The following ZNF385D variants were observed in gnomAD, a reference collection of about 807,000 sequenced individuals.
ZNF385D encodes zinc finger protein 385D.
ZNF385D carries 15 observed loss-of-function variants against 35.8 expected under a neutral mutation model. That is an observed-to-expected ratio of 0.42 (90% CI 0.28 to 0.64). ZNF385D has a LOEUF of 0.64. Among genes scored for constraint, ZNF385D ranks in the 30% least tolerant of loss-of-function variants. The pLI, the probability that ZNF385D is intolerant of heterozygous loss-of-function variation, is 0.23. For synonymous variants in ZNF385D, 212 were observed against 186.8 expected, an observed-to-expected ratio of 1.13 and a Z score of -1.10; for missense variants, 474 against 494.6, an observed-to-expected ratio of 0.96 and a Z score of 0.39.
chr3:21,819,557 A>C (rs2073300939), intron 3 of ZNF385D, among the ~76,000 whole-genome samples: 1 of 149,788 alleles, frequency 6.7e-6, no homozygotes, highest in African/African-American at 2.4e-5. Flanking sequence ...TTTGCTAGGA[A>C]AATACAAATT....
intron 2 of ZNF385D, among the ~76,000 whole-genome samples, chr3:22,239,225 T>G: frequency 6.6e-6 from 1 of 151,174 alleles, no homozygotes; most frequent in African/African-American, 2.4e-5. Flanking sequence ...GCTACCAGTA[T>G]CTTTAAGTAA....
intron 3 of ZNF385D, among the ~76,000 whole-genome samples, chr3:21,544,900 A>T (rs907136188): frequency 6.6e-6 from 1 of 152,210 alleles, no homozygotes; most frequent in South Asian, 2.1e-4. Context: ...AATACTTCAG[A>T]GGGCCCCTGA....
intron 3 of ZNF385D, among the ~76,000 whole-genome samples, chr3:21,978,692 T>C (rs570356260): frequency 1.3e-5 from 2 of 152,344 alleles, no homozygotes; most frequent in African/African-American, 4.8e-5. Flanking sequence ...TGTCTCTAGA[T>C]AGCTCATTGT....
At chr3:21,626,240 A>G (rs1445820926) in intron 2 of ZNF385D, among the ~76,000 whole-genome samples, 1 of 152,100 alleles carries the variant, frequency 6.6e-6, no homozygotes, top group Non-Finnish European at 1.5e-5. Context: ...GAAGCCCCTC[A>G]TATGTGTCCT....
At chr3:21,820,675 A>G (rs1462289174) in intron 3 of ZNF385D, among the ~76,000 whole-genome samples, 3 of 151,768 alleles carry the variant, frequency 2.0e-5, no homozygotes, top group Non-Finnish European at 4.4e-5. Context: ...AATTTTAAAA[A>G]TTTCTCGAAA....
At chr3:21,778,835 G>A (rs565222104) in intron 3 of ZNF385D, among the ~76,000 whole-genome samples, 1 of 151,992 alleles carries the variant, frequency 6.6e-6, no homozygotes, top group South Asian at 2.1e-4. Context: ...AAAATATTGT[G>A]ATGAAAAGAC....
intron 2 of ZNF385D, among the ~76,000 whole-genome samples, chr3:22,201,113 A>G (rs554313171): frequency 1.3e-5 from 2 of 152,282 alleles, no homozygotes; most frequent in African/African-American, 4.8e-5. Flanking sequence ...TGGGGAAGTG[A>G]TAAGTGTCCA....
chr3:22,175,913 A>G (rs1453489572), intron 2 of ZNF385D, among the ~76,000 whole-genome samples: 2 of 148,654 alleles, frequency 1.3e-5, no homozygotes, highest in Non-Finnish European at 3.0e-5. Context: ...TTAAATATAT[A>G]TTATATATAA....
chr3:22,310,215 T>C (rs115506219), intron 2 of ZNF385D, among the ~76,000 whole-genome samples: 2,821 of 152,160 alleles, frequency 0.019, 84 homozygotes, highest in African/African-American at 0.062. Flanking sequence ...TCAGGCGTCA[T>C]GATTACTATT....
chr3:21,963,023 C>G (rs146103296), intron 3 of ZNF385D, among the ~76,000 whole-genome samples: 2 of 152,292 alleles, frequency 1.3e-5, no homozygotes, highest in East Asian at 1.9e-4. Flanking sequence ...ATTTGTTAAA[C>G]AGTAGCCTTG....
At chr3:22,094,925 T>C (rs1294466935) in intron 3 of ZNF385D, among the ~76,000 whole-genome samples, 4 of 151,960 alleles carry the variant, frequency 2.6e-5, no homozygotes. Context: ...CTATCTCTTT[T>C]TTCATGGTCT....
intron 2 of ZNF385D, among the ~76,000 whole-genome samples, chr3:22,330,488 T>C (rs1032686333): frequency 6.6e-6 from 1 of 152,194 alleles, no homozygotes; most frequent in African/African-American, 2.4e-5. Context: ...ATTTCTTCTT[T>C]TATAATGTTT....
intron 1 of ZNF385D, among the ~76,000 whole-genome samples, chr3:21,706,175 A>C (rs1290559730): frequency 6.6e-6 from 1 of 152,230 alleles, no homozygotes. Flanking sequence ...CAAAAACAGA[A>C]CAGATTTCAA....
intron 2 of ZNF385D, among the ~76,000 whole-genome samples, chr3:22,298,747 A>G (rs1023728164): frequency 6.6e-6 from 1 of 151,130 alleles, no homozygotes; most frequent in Non-Finnish European, 1.5e-5. Context: ...TCCATTTTGG[A>G]GATTTCATTT....
intron 2 of ZNF385D, among the ~76,000 whole-genome samples, chr3:22,311,113 T>C (rs1308477855): frequency 1.3e-5 from 2 of 151,712 alleles, no homozygotes; most frequent in Admixed American, 6.6e-5. Context: ...AAATCAGGGG[T>C]ACGACCAGAG....
intron 3 of ZNF385D, among the ~76,000 whole-genome samples, chr3:21,873,446 G>T (rs1559711589): frequency 6.6e-6 from 1 of 151,956 alleles, no homozygotes; most frequent in African/African-American, 2.4e-5. Flanking sequence ...TTTTTTCTAT[G>T]TATCTACTTA....
intron 2 of ZNF385D, among the ~76,000 whole-genome samples, chr3:22,262,116 A>G (rs557504349): frequency 6.6e-6 from 1 of 152,020 alleles, no homozygotes; most frequent in South Asian, 2.1e-4. Flanking sequence ...TTCAAATGTT[A>G]TTTTTTAATG....
At chr3:21,727,323 G>C (rs1157170143) in intron 1 of ZNF385D, among the ~76,000 whole-genome samples, 11 of 152,104 alleles carry the variant, frequency 7.2e-5, no homozygotes, top group Admixed American at 7.2e-4. Context: ...ATTGACAAAT[G>C]GTATCTAATT....
At chr3:21,991,379 A>C in intron 3 of ZNF385D, among the ~76,000 whole-genome samples, 1 of 152,220 alleles carries the variant, frequency 6.6e-6, no homozygotes, top group African/African-American at 2.4e-5. Flanking sequence ...ACATGCCACC[A>C]CAAAGCCGTG....
Sources: gnomAD v4.1 joint callset for allele counts (sites outside exome capture counted in the v4.1 genomes callset) on GRCh38, gnomAD v4.1.1 for gene constraint, MANE v1.5 for transcripts, NCBI Gene and HGNC (gene_info 2026-07-23, HGNC 2026-07-21) for gene names.